The following OPRD1 variants were observed in gnomAD, a reference collection of about 807,000 sequenced individuals.
The protein encoded by OPRD1 is opioid receptor delta 1.
A neutral mutation model predicts 17.5 loss-of-function variants in OPRD1; 19 were observed. That is an observed-to-expected ratio of 1.09 (90% CI 0.76 to 1.60). The LOEUF is 1.60. OPRD1 is among the 40% of genes most tolerant of loss of function. The probability of loss-of-function intolerance (pLI) is 0.00; values close to 1 mark genes in which losing one functional copy is unlikely to be tolerated. For synonymous variants in OPRD1, 256 were observed against 240.9 expected (o/e 1.06, Z -0.58); for missense variants, 483 against 547.2 (o/e 0.88, Z 1.17).
intron 1 of OPRD1, among the ~76,000 whole-genome samples, chr1:28,850,004 A>G (rs1390990734): frequency 2.0e-5 from 3 of 149,622 alleles, no homozygotes; most frequent in Non-Finnish European, 4.4e-5. Flanking sequence ...CTCAGCCTCC[A>G]GAGTATCTGG....
intron 1 of OPRD1, among the ~76,000 whole-genome samples, chr1:28,835,204 C>T (rs1161564460): frequency 3.9e-5 from 6 of 152,180 alleles, no homozygotes; most frequent in African/African-American, 1.4e-4. Context: ...GTGCCTGCTG[C>T]CCCATCCCTG....
chr1:28,826,349 C>G (rs1384741658), intron 1 of OPRD1, among the ~76,000 whole-genome samples: 1 of 151,854 alleles, frequency 6.6e-6, no homozygotes, highest in Non-Finnish European at 1.5e-5. Flanking sequence ...ATGGCAGAAC[C>G]CTGTCTCTAC....
Position 28,863,421 on chromosome 1 carries a change from T to A in OPRD1, c.*138T>A. 9.7e-7 allele frequency: 1 copy of A among 1,027,404 alleles called. No individual in the cohort carries two copies. The allele number at this position is 1,027,404 out of a possible 1,614,324, so 63.6% of individuals were successfully genotyped here. ...GGGACCGCCAGATGGGGCCTCTGTT[T>A]CGGAGACGGGACCGGGCCGCTAGAT... On this transcript the variant is annotated 3_prime_UTR_variant, in exon 3 of 3. Coordinates refer to ENST00000234961, the MANE Select transcript of OPRD1 (RefSeq NM_000911.4).
intron 1 of OPRD1, 39 bp from the exon 2 acceptor site, chr1:28,858,915 T>C (rs1240436228): frequency 6.4e-7 from 1 of 1,559,592 alleles, no homozygotes; most frequent in Non-Finnish European, 8.7e-7. Context: ...AACTGAAATC[T>C]GTGAAATGGG....
rs2089193748 is a variant in OPRD1 at position 28,868,601 on chromosome 1, G to C, written c.*5318G>C. ...TCACGCCTGTAATCCTAGCACTTTG[G>C]GAGGCCAAGGCGGGTGGATCATGAG... On this transcript the variant is annotated 3_prime_UTR_variant, in exon 3 of 3. Transcript: ENST00000234961. The C allele has an allele frequency of 6.6e-6, 1 of 152,296 alleles. No individual in the cohort carries two copies. The highest frequency in any genetic ancestry group is 2.4e-5 in the African/African-American group (1 of 41,434). 9.4% of individuals were successfully genotyped at this position (152,296 alleles called of 1,614,324 possible). A position where few individuals can be genotyped will look rare whatever the true frequency, so the allele number is the denominator to read the frequency against.
At chr1:28,815,016 T>G (rs1012189316) in intron 1 of OPRD1, among the ~76,000 whole-genome samples, 6 of 152,226 alleles carry the variant, frequency 3.9e-5, no homozygotes, top group Non-Finnish European at 8.8e-5. Context: ...GGCCCAGAGC[T>G]AGAACCTTAG....
At chr1:28,860,363 A>T (rs72665519) in intron 2 of OPRD1, among the ~76,000 whole-genome samples, 600 of 54,574 alleles carry the variant, frequency 0.011, 2 homozygotes, top group East Asian at 0.016. Context: ...GGACTTGTCT[A>T]AAAAAAAAAA....
chr1:28,842,740 T>C (rs2088905399), intron 1 of OPRD1, among the ~76,000 whole-genome samples: 1 of 152,086 alleles, frequency 6.6e-6, no homozygotes. Flanking sequence ...CCCTACCCCC[T>C]GATTGGATCC....
chr1:28,846,779 A>G (rs556162813), intron 1 of OPRD1, among the ~76,000 whole-genome samples: 37 of 151,128 alleles, frequency 2.4e-4, no homozygotes, highest in Non-Finnish European at 4.3e-4. Context: ...CAAAGGCCCC[A>G]TTGTATTTAT....
rs1299282277 is a variant in OPRD1 at position 28,812,465 on chromosome 1, C to T, written c.82C>T (p.Pro28Ser). 1 of 1,528,444 alleles carries T rather than the reference C, an allele frequency of 6.5e-7. No individual in the cohort carries two copies. The highest frequency in any genetic ancestry group is 8.7e-7 in the Non-Finnish European group (1 of 1,145,338). The allele number at this position is 1,528,444 out of a possible 1,614,324, so 94.7% of individuals were successfully genotyped here. A position where few individuals can be genotyped will look rare whatever the true frequency, so the allele number is the denominator to read the frequency against. Reference sequence around the variant, plus strand: ...CTCGGACGCCTACCCTAGCGCCTGCCCCAGCGCTGGCGCCAATGCGTCGGG... The same window carrying T: ...CTCGGACGCCTACCCTAGCGCCTGCTCCAGCGCTGGCGCCAATGCGTCGGG... ...NASDAYPSACPSAGANASGPP... is the reference protein window; with the variant it reads ...NASDAYPSACSSAGANASGPP... Residue 28 changes from proline to serine, a missense_variant, in exon 1 of 3, where the codon CCC becomes TCC. By Grantham distance (74) the Pro-to-Ser change is moderately conservative. Transcript: ENST00000234961.
intron 1 of OPRD1, among the ~76,000 whole-genome samples, chr1:28,822,975 C>T (rs1283985486): frequency 6.6e-6 from 1 of 152,082 alleles, no homozygotes; most frequent in East Asian, 1.9e-4. Flanking sequence ...GAGGGATAAT[C>T]GTGGGGGTAG....
Position 28,863,465 on chromosome 1 carries a change from T to G in OPRD1, c.*182T>G. The stretch of plus-strand genomic sequence containing the variant: ...GCTAGATGGGCATGGGGTGGGCCTC[T>G]GGTTTGGGGCGAGGCAGAGGACAGA... On this transcript the variant is annotated 3_prime_UTR_variant, in exon 3 of 3. Transcript: ENST00000234961. 1 of 659,068 alleles carries G rather than the reference T, an allele frequency of 1.5e-6. No homozygotes were observed. Among genetic ancestry groups the G allele is most frequent in the Non-Finnish European group, 2.3e-6 (1 of 425,842 alleles). 40.8% of individuals were successfully genotyped at this position (659,068 alleles called of 1,614,324 possible). A position where few individuals can be genotyped will look rare whatever the true frequency, so the allele number is the denominator to read the frequency against.
intron 1 of OPRD1, among the ~76,000 whole-genome samples, chr1:28,817,599 G>C (rs1243853999): frequency 6.6e-6 from 1 of 152,238 alleles, no homozygotes; most frequent in South Asian, 2.1e-4. Context: ...GGCCAGGAGA[G>C]ATTCCAGTGA....
In OPRD1 at chr1:28,820,925, T is replaced by A. The variant is rs562680213; in HGVS notation, c.227+8315T>A. ...CTGAGACCCCATATTTAAAAAAAAA[T>A]TTTTTTTTCTTCTACAATAAAAGGT... On this transcript the variant is annotated intron_variant, in intron 1 of 2. Transcript: ENST00000234961. Among the ~76,000 whole-genome samples, 19 of 151,536 alleles carry A rather than the reference T, an allele frequency of 1.3e-4. No homozygotes were observed. The East Asian group carries it at 1.8e-3, about 14-fold the overall frequency.
chr1:28,842,690 T>C (rs187807876), intron 1 of OPRD1, among the ~76,000 whole-genome samples: 1 of 152,276 alleles, frequency 6.6e-6, no homozygotes, highest in Non-Finnish European at 1.5e-5. Flanking sequence ...TTCACAAAGG[T>C]ATCTCACGGT....
intron 1 of OPRD1, among the ~76,000 whole-genome samples, chr1:28,856,969 G>A (rs2089062961): frequency 6.6e-6 from 1 of 152,156 alleles, no homozygotes; most frequent in Admixed American, 6.5e-5. Flanking sequence ...CCTGGATGGA[G>A]CCGCAGGAAG....
At chr1:28,829,118 C>G (rs2088791641) in intron 1 of OPRD1, among the ~76,000 whole-genome samples, 1 of 152,094 alleles carries the variant, frequency 6.6e-6, no homozygotes, top group Non-Finnish European at 1.5e-5. Flanking sequence ...TGTTTTGTCC[C>G]CTTGAGAATC....
In OPRD1 at chr1:28,865,544, T is replaced by G. The variant is rs1180306946; in HGVS notation, c.*2261T>G. ...CAGAGGGCAAAGCACAGCCCCCTTCTCAGGGTGAGGCTCCCAGCAGCCCCA... is the reference window on the plus strand; with the variant it reads ...CAGAGGGCAAAGCACAGCCCCCTTCGCAGGGTGAGGCTCCCAGCAGCCCCA... On this transcript the variant is annotated 3_prime_UTR_variant, in exon 3 of 3. Coordinates refer to ENST00000234961, the MANE Select transcript of OPRD1 (RefSeq NM_000911.4). 2 of 152,124 alleles carry G rather than the reference T, an allele frequency of 1.3e-5. No homozygotes were observed. The highest frequency in any genetic ancestry group is 1.3e-4 in the Admixed American group (2 of 15,276). 9.4% of individuals were successfully genotyped at this position (152,124 alleles called of 1,614,324 possible).
chr1:28,846,899 T>TTCTTTTC (rs2088957292), intron 1 of OPRD1, among the ~76,000 whole-genome samples: 1 of 145,356 alleles, frequency 6.9e-6, no homozygotes, highest in African/African-American at 2.5e-5. Context: ...TCTTTTCTCT[T>TTCTTTTC]TCTTTCTTTT....
Sources: allele counts gnomAD v4.1 joint callset (sites outside exome capture counted in the v4.1 genomes callset), GRCh38; gene constraint gnomAD v4.1.1; transcripts MANE v1.5; gene names NCBI Gene and HGNC (gene_info 2026-07-23, HGNC 2026-07-21).